The following WWOX variants were observed in gnomAD, a reference collection of about 807,000 sequenced individuals.
The protein encoded by WWOX is WW domain-containing oxidoreductase.
WWOX carries 69 observed loss-of-function variants against 46.2 expected under a neutral mutation model. That is an observed-to-expected ratio of 1.49 (90% CI 1.23 to 1.82). The LOEUF (loss-of-function observed/expected upper bound fraction) is 1.82. Ranked by LOEUF, WWOX falls within the 40% of genes most tolerant of loss-of-function variation. The pLI, the probability that WWOX is intolerant of heterozygous loss-of-function variation, is 0.00. For missense variants in WWOX, 919 were observed against 542.6 expected (o/e 1.69, Z -6.89); for synonymous variants, 359 against 202.6 (o/e 1.77, Z -6.56).
chr16:78,915,735 G>A (rs1217918487), intron 8 of WWOX, among the ~76,000 whole-genome samples: 3 of 151,826 alleles, frequency 2.0e-5, no homozygotes, highest in African/African-American at 4.8e-5. Flanking sequence ...CCCGTCATCT[G>A]CCTTGATCAA....
At chr16:78,763,532 G>A (rs1450283531) in intron 8 of WWOX, among the ~76,000 whole-genome samples, 2 of 152,160 alleles carry the variant, frequency 1.3e-5, no homozygotes, top group East Asian at 3.9e-4. Context: ...CATAGAGTAT[G>A]AAACTCTGTT....
At chr16:78,113,632 G>C (rs910625860) in intron 3 of WWOX, among the ~76,000 whole-genome samples, 1 of 152,132 alleles carries the variant, frequency 6.6e-6, no homozygotes, top group Non-Finnish European at 1.5e-5. Flanking sequence ...CAGGTCTTCA[G>C]GGGGAAAAAA....
At chr16:78,882,637 G>A (rs2044367660) in intron 8 of WWOX, among the ~76,000 whole-genome samples, 1 of 151,694 alleles carries the variant, frequency 6.6e-6, no homozygotes, top group Non-Finnish European at 1.5e-5. Context: ...ACAGGTATGT[G>A]CTACCGTGCC....
intron 8 of WWOX, among the ~76,000 whole-genome samples, chr16:79,084,753 G>A (rs1314214086): frequency 6.6e-6 from 1 of 151,514 alleles, no homozygotes; most frequent in African/African-American, 2.4e-5. Flanking sequence ...AATCCTCACA[G>A]TGACTCCTTG....
At chr16:78,721,408 T>G (rs1365301005) in intron 8 of WWOX, among the ~76,000 whole-genome samples, 1 of 152,198 alleles carries the variant, frequency 6.6e-6, no homozygotes, top group East Asian at 1.9e-4. Flanking sequence ...ATTATTCTTA[T>G]TGTATGAACA....
chr16:78,376,551 T>C (rs974429867), intron 5 of WWOX, among the ~76,000 whole-genome samples: 1 of 152,182 alleles, frequency 6.6e-6, no homozygotes, highest in African/African-American at 2.4e-5. Flanking sequence ...TGATGACCAC[T>C]TGGGGTGAAC....
At chr16:78,415,349 C>G (rs544171312) in intron 6 of WWOX, among the ~76,000 whole-genome samples, 2 of 152,150 alleles carry the variant, frequency 1.3e-5, no homozygotes, top group East Asian at 3.9e-4. Flanking sequence ...TCGTTGCCAT[C>G]TTTGTTTTGG....
At chr16:78,821,826 T>A (rs1008081281) in intron 8 of WWOX, among the ~76,000 whole-genome samples, 12 of 152,198 alleles carry the variant, frequency 7.9e-5, no homozygotes, top group Non-Finnish European at 1.3e-4. Context: ...AGATTCAGGC[T>A]TCTGAGTCCA....
intron 5 of WWOX, among the ~76,000 whole-genome samples, chr16:78,190,470 T>C (rs2035850740): frequency 6.6e-6 from 1 of 152,242 alleles, no homozygotes; most frequent in East Asian, 1.9e-4. Flanking sequence ...GTATACCTAG[T>C]GACTCTCTGG....
intron 7 of WWOX, among the ~76,000 whole-genome samples, chr16:78,427,498 C>A (rs895311711): frequency 1.3e-5 from 2 of 152,050 alleles, no homozygotes; most frequent in Non-Finnish European, 2.9e-5. Context: ...TGCCAAATTG[C>A]CCTCCCCCAC....
At chr16:78,301,024 C>G (rs368214591) in intron 5 of WWOX, among the ~76,000 whole-genome samples, 1 of 142,230 alleles carries the variant, frequency 7.0e-6, no homozygotes, top group Admixed American at 7.1e-5. Context: ...ATCCATGCAT[C>G]CATCCATCCA....
intron 5 of WWOX, among the ~76,000 whole-genome samples, chr16:78,285,614 G>C (rs150123402): frequency 3.0e-4 from 45 of 152,262 alleles, no homozygotes; most frequent in African/African-American, 9.9e-4. Flanking sequence ...TTGCAATTAT[G>C]CATTGTTTGT....
intron 8 of WWOX, among the ~76,000 whole-genome samples, chr16:78,801,588 T>C (rs1013672317): frequency 1.3e-5 from 2 of 152,182 alleles, no homozygotes; most frequent in African/African-American, 4.8e-5. Flanking sequence ...CCAAAGTCCT[T>C]ACTGGGCAAA....
At chr16:78,651,875 G>A (rs1340614532) in intron 8 of WWOX, among the ~76,000 whole-genome samples, 4 of 152,152 alleles carry the variant, frequency 2.6e-5, no homozygotes, top group Non-Finnish European at 5.9e-5. Context: ...TGTGTAGAAT[G>A]GGGAGTATTG....
intron 8 of WWOX, 80 bp downstream of exon 8, chr16:78,432,832 C>A: frequency 6.2e-7 from 1 of 1,603,364 alleles, no homozygotes; most frequent in African/African-American, 1.3e-5. Context: ...CTTTTTACCT[C>A]TTGCGGGCAT....
At chr16:79,174,167 T>C (rs370755675) in intron 8 of WWOX, among the ~76,000 whole-genome samples, 8 of 152,318 alleles carry the variant, frequency 5.3e-5, no homozygotes, top group Admixed American at 3.3e-4. Flanking sequence ...GGGACACGTA[T>C]TGTAGACAGG....
intron 8 of WWOX, among the ~76,000 whole-genome samples, chr16:78,776,905 C>T (rs911694561): frequency 1.3e-5 from 2 of 152,166 alleles, no homozygotes; most frequent in African/African-American, 2.4e-5. Flanking sequence ...CACCTCCTAC[C>T]AGGTCTCTCC....
chr16:78,647,160 C>G (rs982720840), intron 8 of WWOX, among the ~76,000 whole-genome samples: 2 of 152,142 alleles, frequency 1.3e-5, no homozygotes, highest in Non-Finnish European at 2.9e-5. Context: ...TGGGGACATC[C>G]TTGAATCAGC....
chr16:78,409,399 C>G lies in WWOX; in HGVS notation c.606-15471C>G, dbSNP rs183247258. 2.0e-5 allele frequency among the ~76,000 whole-genome samples: 3 copies of G among 152,202 alleles called. No homozygotes were observed. In the East Asian group the frequency reaches 5.8e-4, roughly 29 times the overall value. ...GCTCCTGACACCTAGCCCCTGGGAA[C>G]CATTGATCTTTTTTCTGTCCCTAGT... On this transcript the variant is annotated intron_variant, in intron 6 of 8. Coordinates refer to ENST00000566780, the MANE Select transcript of WWOX (RefSeq NM_016373.4).
Sources: allele counts gnomAD v4.1 joint callset (sites outside exome capture counted in the v4.1 genomes callset), GRCh38; gene constraint gnomAD v4.1.1; transcripts MANE v1.5; gene names NCBI Gene and HGNC (gene_info 2026-07-23, HGNC 2026-07-21).